Variants in GCNT2 observed in about 807,000 individuals in gnomAD.
The protein encoded by GCNT2 is N-acetyllactosaminide beta-1,6-N-acetylglucosaminyl-transferase.
GCNT2 carries 34 observed loss-of-function variants against 34.2 expected under a neutral mutation model. The ratio of observed to expected loss-of-function variants is 1.00; its 90% CI spans 0.76 to 1.32. The LOEUF (loss-of-function observed/expected upper bound fraction) is 1.32. Ranked by LOEUF, GCNT2 falls within the 40% of genes most tolerant of loss-of-function variation. The pLI is 0.00. For missense variants in GCNT2, 584 were observed against 489.4 expected, an observed-to-expected ratio of 1.19 and a Z score of -1.82; for synonymous variants, 212 against 188.0, an observed-to-expected ratio of 1.13 and a Z score of -1.04.
At chr6:10,561,396 A>G (rs917435642) in intron 3 of GCNT2, among the ~76,000 whole-genome samples, 3 of 152,212 alleles carry the variant, frequency 2.0e-5, no homozygotes, top group Non-Finnish European at 4.4e-5. Flanking sequence ...TCCCGACCTC[A>G]GCCGATATGC....
chr6:10,581,887 A>T (rs1009836871), intron 3 of GCNT2: 1 of 984,534 alleles, frequency 1.0e-6, no homozygotes, highest in African/African-American at 1.7e-5. Flanking sequence ...GAAGGCATCA[A>T]AATGGGTTAT....
chr6:10,592,294 A>G (rs572338997), intron 3 of GCNT2, among the ~76,000 whole-genome samples: 34 of 152,356 alleles, frequency 2.2e-4, no homozygotes, highest in Non-Finnish European at 4.3e-4. Context: ...GATATTAAGT[A>G]TGCATAATAA....
chr6:10,576,274 A>C (rs1335271252), intron 3 of GCNT2, among the ~76,000 whole-genome samples: 1 of 152,240 alleles, frequency 6.6e-6, no homozygotes, highest in African/African-American at 2.4e-5. Flanking sequence ...TTATTAGGAC[A>C]CAGCCATGCA....
chr6:10,608,847 G>A (rs1381569739), intron 3 of GCNT2, among the ~76,000 whole-genome samples: 1 of 152,218 alleles, frequency 6.6e-6, no homozygotes, highest in Non-Finnish European at 1.5e-5. Flanking sequence ...ACATTTGGGT[G>A]TGTGTGGACA....
At chr6:10,563,963 T>C (rs977511798) in intron 3 of GCNT2, among the ~76,000 whole-genome samples, 1 of 151,994 alleles carries the variant, frequency 6.6e-6, no homozygotes, top group East Asian at 1.9e-4. Context: ...ACTGCGAATA[T>C]TCTGAAGATG....
intron 3 of GCNT2, among the ~76,000 whole-genome samples, chr6:10,536,706 C>CTTTT (rs553671576): frequency 3.3e-4 from 43 of 130,416 alleles, no homozygotes; most frequent in African/African-American, 1.2e-3. Flanking sequence ...CTGTGAGTTC[C>CTTTT]TTTTTTTTTT....
chr6:10,611,866 A>T (rs1413375076), intron 3 of GCNT2, among the ~76,000 whole-genome samples: 2 of 152,250 alleles, frequency 1.3e-5, no homozygotes, highest in Non-Finnish European at 1.5e-5. Context: ...CATTAAAGAA[A>T]GTTTTATAAG....
At chr6:10,566,487 T>C (rs1763289819) in intron 3 of GCNT2, among the ~76,000 whole-genome samples, 1 of 152,142 alleles carries the variant, frequency 6.6e-6, no homozygotes, top group South Asian at 2.1e-4. Context: ...AGAGATAGAA[T>C]TTCACTGTGT....
Position 10,627,793 on chromosome 6 carries a change from C to T in GCNT2, c.*1186C>T, listed in dbSNP as rs1419190397. ...GATTGTAGTTTAATACAGGAACACA[C>T]AGGGCTGTGTAGCATGATACCAGGC... On this transcript the variant is annotated 3_prime_UTR_variant, in exon 5 of 5. Coordinates refer to ENST00000495262, the MANE Select transcript of GCNT2 (RefSeq NM_145649.5). 6.6e-6 allele frequency: 1 copy of T among 152,140 alleles called. No individual in the cohort carries two copies. Among genetic ancestry groups the T allele is most frequent in the Non-Finnish European group, 1.5e-5 (1 of 68,026 alleles). The allele number at this position is 152,140 out of a possible 1,614,324, so 9.4% of individuals were successfully genotyped here. A position where few individuals can be genotyped will look rare whatever the true frequency, so the allele number is the denominator to read the frequency against.
chr6:10,576,252 A>G (rs1763805415), intron 3 of GCNT2, among the ~76,000 whole-genome samples: 1 of 151,838 alleles, frequency 6.6e-6, no homozygotes, highest in African/African-American at 2.4e-5. Flanking sequence ...TTCAGGATCC[A>G]TAAAGAAGGT....
At chr6:10,536,987 A>G (rs1761793509) in intron 3 of GCNT2, among the ~76,000 whole-genome samples, 1 of 151,916 alleles carries the variant, frequency 6.6e-6, no homozygotes, top group South Asian at 2.1e-4. Flanking sequence ...GCTGGTCTCG[A>G]ACTCCTGACC....
At position 10,562,466 on chromosome 6, in the gene GCNT2, C is replaced by T. The variant is rs563515398; in HGVS notation, c.925+32630C>T. ...GGCACGGTGGCTCACACCGGTAGTCCCAGCACTTTTTGAGGCCCAGGCGGG... is the reference window on the plus strand; with the variant it reads ...GGCACGGTGGCTCACACCGGTAGTCTCAGCACTTTTTGAGGCCCAGGCGGG... On this transcript the variant is annotated intron_variant, in intron 3 of 4. Coordinates refer to ENST00000495262, the MANE Select transcript of GCNT2 (RefSeq NM_145649.5). 5.9e-5 allele frequency among the ~76,000 whole-genome samples: 9 copies of T among 151,994 alleles called. No homozygotes were observed. In the East Asian group the frequency reaches 1.4e-3, roughly 23 times the overall value.
intron 3 of GCNT2, among the ~76,000 whole-genome samples, chr6:10,601,599 G>C (rs189698864): frequency 4.6e-5 from 7 of 152,236 alleles, no homozygotes; most frequent in Admixed American, 3.9e-4. Flanking sequence ...CATTGGTCTT[G>C]ATCTGAAGAT....
intron 4 of GCNT2, among the ~76,000 whole-genome samples, chr6:10,623,591 G>A (rs538040691): frequency 6.6e-6 from 1 of 152,172 alleles, no homozygotes; most frequent in East Asian, 1.9e-4. Flanking sequence ...CACCCGGCCT[G>A]TACTACCTTC....
At chr6:10,524,979 A>ACC (rs201675940) in intron 1 of GCNT2, among the ~76,000 whole-genome samples, 13 of 151,396 alleles carry the variant, frequency 8.6e-5, no homozygotes, top group African/African-American at 3.2e-4. Context: ...CCATCGGCCC[A>ACC]CCCCCCCGGT....
intron 3 of GCNT2, among the ~76,000 whole-genome samples, chr6:10,603,702 A>G (rs1374965117): frequency 6.6e-6 from 1 of 151,168 alleles, no homozygotes; most frequent in Non-Finnish European, 1.5e-5. Flanking sequence ...TTTAGTAGAG[A>G]CGGGGTTTCA....
At chr6:10,624,467 G>C (rs1197656888) in intron 4 of GCNT2, among the ~76,000 whole-genome samples, 2 of 151,996 alleles carry the variant, frequency 1.3e-5, no homozygotes, top group Non-Finnish European at 2.9e-5. Context: ...AACAATCATG[G>C]GGGAAACTGC....
chr6:10,528,827 G>GC lies in GCNT2; in HGVS notation c.-85_-84insC, dbSNP rs1761323762. The GC allele has an allele frequency of 8.9e-7, 1 of 1,126,100 alleles. No homozygotes were observed. The highest frequency in any genetic ancestry group is 1.2e-5 in the South Asian group (1 of 80,782). 69.8% of individuals were successfully genotyped at this position (1,126,100 alleles called of 1,614,324 possible). ...TTCAGCCATCACGAGGATGATTTCG[G>GC]AACCTGGAGAAAATGTAAGTTAAAT... On this transcript the variant is annotated 5_prime_UTR_variant, in exon 3 of 5. It removes the in-frame stop codon of an upstream open reading frame in the 5' UTR. Coordinates refer to ENST00000495262, the MANE Select transcript of GCNT2 (RefSeq NM_145649.5).
At chr6:10,542,619 C>T (rs1205492065) in intron 3 of GCNT2, among the ~76,000 whole-genome samples, 1 of 152,180 alleles carries the variant, frequency 6.6e-6, no homozygotes, top group Admixed American at 6.5e-5. Flanking sequence ...TTCTTTCATG[C>T]GTAGCTCCTT....
Sources: gnomAD v4.1 joint callset for allele counts (sites outside exome capture counted in the v4.1 genomes callset) on GRCh38, gnomAD v4.1.1 for gene constraint, MANE v1.5 for transcripts, NCBI Gene and HGNC (gene_info 2026-07-23, HGNC 2026-07-21) for gene names.